Variants in SCN11A observed in about 807,000 individuals in gnomAD.
SCN11A encodes sodium voltage-gated channel alpha subunit 11.
Under a neutral mutation model 162.2 loss-of-function variants are expected in SCN11A, and 122 were observed. That is an observed-to-expected ratio of 0.75 (90% CI 0.65 to 0.87). The LOEUF (loss-of-function observed/expected upper bound fraction) is 0.87. SCN11A is among the 40% of genes least tolerant of loss of function. The pLI is 0.00. For missense variants in SCN11A, 2,015 were observed against 2,181.6 expected (o/e 0.92, Z 1.52); for synonymous variants, 758 against 751.5 (o/e 1.01, Z -0.14).
intron 9 of SCN11A, among the ~76,000 whole-genome samples, chr3:38,925,004 C>G (rs1035717565): frequency 6.6e-6 from 1 of 152,104 alleles, no homozygotes; most frequent in Non-Finnish European, 1.5e-5. Context: ...TGACAACTAT[C>G]GTGATCACTC....
At chr3:38,911,429 A>G (rs1433939877) in intron 11 of SCN11A, among the ~76,000 whole-genome samples, 1 of 152,102 alleles carries the variant, frequency 6.6e-6, no homozygotes, top group African/African-American at 2.4e-5. Context: ...TCTTTTGCCC[A>G]TTAGTTTTAA....
Position 38,990,780 on chromosome 3 carries a change from C to T in SCN11A, c.-279-30357G>A, listed in dbSNP as rs151298687. Among the ~76,000 whole-genome samples, 91 of 152,170 alleles carry T rather than the reference C, an allele frequency of 6.0e-4. No homozygotes were observed. In the East Asian group the frequency reaches 0.017, roughly 29 times the overall value. On this transcript the variant is annotated intron_variant, in intron 2 of 29. Transcript: ENST00000302328. Reference sequence around the variant, plus strand: ...ATCATGGCATGAAAAGGTTAAGAAACTCGGCACAGGTCAGAGCTAGCAATT... The same window carrying T: ...ATCATGGCATGAAAAGGTTAAGAAATTCGGCACAGGTCAGAGCTAGCAATT...
At chr3:38,911,385 G>A (rs2065885797) in intron 11 of SCN11A, among the ~76,000 whole-genome samples, 1 of 152,130 alleles carries the variant, frequency 6.6e-6, no homozygotes. Context: ...GAATTCTTAT[G>A]CCAGTTTGAT....
At chr3:38,929,727 T>C (rs964440666) in intron 7 of SCN11A, among the ~76,000 whole-genome samples, 1 of 152,186 alleles carries the variant, frequency 6.6e-6, no homozygotes. Flanking sequence ...GATTAAGCCA[T>C]GAAGACACTT....
rs772642041 is a variant in SCN11A at position 38,905,225 on chromosome 3, T to C, written c.1570A>G (p.Ser524Gly). ...GDPLQRQRAL[S>G]AVSILTITMK... ...GTGATGGTGAGGATGCTGACAGCAC[T>C]CAGTGCTCTCTGCCTTTGGAGAGGA... Residue 524 changes from serine (S) to glycine (G), a missense_variant, in exon 15 of 30, where the codon AGT (serine) becomes GGT (glycine). Physicochemically the swap from Ser to Gly is moderately conservative, Grantham distance 56 (BLOSUM62 0). Coordinates refer to ENST00000302328, the MANE Select transcript of SCN11A (RefSeq NM_001349253.2). 6.2e-7 allele frequency: 1 copy of C among 1,614,086 alleles called. No homozygotes were observed. The highest frequency in any genetic ancestry group is 1.1e-5 in the South Asian group (1 of 91,068).
At chr3:38,848,282 C>A (rs1215912251) in intron 29 of SCN11A, among the ~76,000 whole-genome samples, 1 of 152,218 alleles carries the variant, frequency 6.6e-6, no homozygotes, top group African/African-American at 2.4e-5. Context: ...GCAAGTGATA[C>A]AAGGATTTAA....
At chr3:38,978,598 A>G (rs1335437948) in intron 2 of SCN11A, among the ~76,000 whole-genome samples, 1 of 152,182 alleles carries the variant, frequency 6.6e-6, no homozygotes, top group Admixed American at 6.5e-5. Flanking sequence ...GTGAACCGAG[A>G]TCACGCCACT....
Position 38,946,773 on chromosome 3 carries a change from T to G in SCN11A, c.386+16A>C. The G allele has an allele frequency of 1.3e-6, 2 of 1,505,646 alleles. No homozygotes were observed. The highest frequency in any genetic ancestry group is 1.8e-6 in the Non-Finnish European group (2 of 1,086,292). The allele number at this position is 1,505,646 out of a possible 1,614,324, so 93.3% of individuals were successfully genotyped here. ...CAAATGATCTGGACTTAGTAAAAGG[T>G]GCAATGAAAGGATATGAATGGACTG... On this transcript the variant is annotated intron_variant, in intron 6 of 29. Transcript: ENST00000302328.
chr3:39,012,061 C>T (rs2031155489), intron 2 of SCN11A, among the ~76,000 whole-genome samples: 1 of 152,198 alleles, frequency 6.6e-6, no homozygotes, highest in African/African-American at 2.4e-5. Context: ...AGCAGTGGCT[C>T]ATGCCTGTAA....
intron 2 of SCN11A, among the ~76,000 whole-genome samples, chr3:38,981,603 A>G (rs1160324075): frequency 6.6e-6 from 1 of 151,846 alleles, no homozygotes; most frequent in Non-Finnish European, 1.5e-5. Context: ...AGAGCAGCAG[A>G]CATCTGATTT....
Position 38,867,370 on chromosome 3 carries a change from T to A in SCN11A, c.3902A>T (p.Asn1301Ile). Residue 1301 changes from asparagine to isoleucine, a missense_variant, in exon 27 of 30, where the codon AAT (asparagine) becomes ATT (isoleucine). Transcript: ENST00000302328. ...FIIFGSFFTL[N>I]LFIGVIIDNF... The stretch of plus-strand genomic sequence containing the variant: ...GTCAATGATAACGCCAATGAAGAGA[T>A]TCAGAGTGAAGAATGAGCCAAAGAT... The A allele has an allele frequency of 6.2e-7, 1 of 1,613,486 alleles. No homozygotes were observed. Among genetic ancestry groups the A allele is most frequent in the South Asian group, 1.1e-5 (1 of 91,058 alleles).
chr3:39,042,891 A>G (rs1217130136), intron 1 of SCN11A, among the ~76,000 whole-genome samples: 2 of 143,442 alleles, frequency 1.4e-5, no homozygotes, highest in African/African-American at 5.2e-5. Flanking sequence ...CAGAAGGCAG[A>G]GTTCGCAGTG....
intron 19 of SCN11A, among the ~76,000 whole-genome samples, chr3:38,891,522 G>A (rs187333954): frequency 1.1e-3 from 170 of 152,278 alleles, no homozygotes; most frequent in African/African-American, 3.4e-3. Flanking sequence ...TAATCTACAC[G>A]TCTTAGTCCA....
rs1357220818 is a variant in SCN11A, at chr3:38,905,190, A to G, written c.1603+2T>C. The G allele has an allele frequency of 6.2e-7, 1 of 1,613,994 alleles. No individual in the cohort carries two copies. Among genetic ancestry groups the G allele is most frequent in the Non-Finnish European group, 8.5e-7 (1 of 1,179,930 alleles). ...TCCCTTGGATTGGGATGTGGAACTT[A>G]CCCTTCATGGTGATGGTGAGGATGC... On this transcript the variant is annotated splice_donor_variant, in intron 15 of 29. Transcript: ENST00000302328. LOFTEE classifies it high-confidence loss of function.
At chr3:39,050,401 C>T (rs1559587066) in intron 1 of SCN11A, among the ~76,000 whole-genome samples, 1 of 152,184 alleles carries the variant, frequency 6.6e-6, no homozygotes, top group Non-Finnish European at 1.5e-5. Flanking sequence ...ACTGATTCCC[C>T]AACACCTAAT....
intron 27 of SCN11A, among the ~76,000 whole-genome samples, chr3:38,865,098 T>G (rs1300131621): frequency 6.6e-6 from 1 of 152,108 alleles, no homozygotes; most frequent in Admixed American, 6.6e-5. Flanking sequence ...TAAAAAAAAA[T>G]CTGGTGGCAG....
At chr3:38,943,298 C>T (rs79697385) in intron 7 of SCN11A, among the ~76,000 whole-genome samples, 1,843 of 152,102 alleles carry the variant, frequency 0.012, 37 homozygotes, top group African/African-American at 0.041. Context: ...GAAATGAGAT[C>T]GATGTTTGTC....
At position 38,863,317 on chromosome 3, in the gene SCN11A, G is replaced by T. The variant is rs1025942748; in HGVS notation, c.3952-18C>A. On this transcript the variant is annotated intron_variant, in intron 27 of 29. Transcript: ENST00000302328. Reference sequence around the variant, plus strand: ...CCACCTAAGTATATGGAGAAGATAAGAGCTAATTACCTTTAACAGTTTTTT... The same window carrying T: ...CCACCTAAGTATATGGAGAAGATAATAGCTAATTACCTTTAACAGTTTTTT... The T allele has an allele frequency of 7.8e-7, 1 of 1,290,072 alleles. No homozygotes were observed. The allele number at this position is 1,290,072 out of a possible 1,614,324, so 79.9% of individuals were successfully genotyped here.
At position 38,986,873 on chromosome 3, in the gene SCN11A, T is replaced by C. The variant is rs116825654; in HGVS notation, c.-279-26450A>G. Reference sequence around the variant, plus strand: ...TGTACTGAGTCTCTTGGAGCAAGGATCTATAGAGCCACATGTCATTTTCCA... The same window carrying C: ...TGTACTGAGTCTCTTGGAGCAAGGACCTATAGAGCCACATGTCATTTTCCA... On this transcript the variant is annotated intron_variant, in intron 2 of 29. Transcript: ENST00000302328. Among the ~76,000 whole-genome samples the C allele has an allele frequency of 8.1e-3, 1,229 of 152,212 alleles. 12 individuals are homozygous for C. Among genetic ancestry groups the C allele is most frequent in the African/African-American group, 0.028 (1,170 of 41,526 alleles).
Sources: gnomAD v4.1 joint callset for allele counts (sites outside exome capture counted in the v4.1 genomes callset) on GRCh38, gnomAD v4.1.1 for gene constraint, MANE v1.5 for transcripts, NCBI Gene and HGNC (gene_info 2026-07-23, HGNC 2026-07-21) for gene names.